RGSL1: variants seen among roughly 807,000 people sequenced by gnomAD.
RGSL1 encodes regulator of G protein signaling protein-like.
In RGSL1, 97 loss-of-function variants were observed where a neutral mutation model predicts 124.7. The ratio of observed to expected loss-of-function variants is 0.78; its 90% confidence interval spans 0.66 to 0.92. The LOEUF (loss-of-function observed/expected upper bound fraction) is 0.92. RGSL1 is among the 40% of genes least tolerant of loss of function. The pLI, the probability that RGSL1 is intolerant of heterozygous loss-of-function variation, is 0.00. For synonymous variants in RGSL1, 424 were observed against 438.1 expected (o/e 0.97, Z 0.40); for missense variants, 1,233 against 1,288.4 (o/e 0.96, Z 0.66).
chr1:182,465,029 G>A (rs912970951), intron 4 of RGSL1, among the ~76,000 whole-genome samples: 1 of 147,990 alleles, frequency 6.8e-6, no homozygotes, highest in Non-Finnish European at 1.5e-5. Context: ...TGAGGCATTT[G>A]ATATGCCACT....
At chr1:182,557,687 A>G (rs1466049386) in intron 21 of RGSL1, among the ~76,000 whole-genome samples, 1 of 152,154 alleles carries the variant, frequency 6.6e-6, no homozygotes, top group African/African-American at 2.4e-5. Context: ...GGTTATACTC[A>G]TGTGTAGGTA....
chr1:182,554,485 C>T, intron 19 of RGSL1, 142 bp from the exon 20 acceptor site: 1 of 680,782 alleles, frequency 1.5e-6, no homozygotes, highest in Admixed American at 2.2e-5. Context: ...TGGAACAGGC[C>T]TGCTTTACCT....
chr1:182,492,360 A>T (rs1413703161), intron 8 of RGSL1, among the ~76,000 whole-genome samples: 1 of 152,176 alleles, frequency 6.6e-6, no homozygotes, highest in Non-Finnish European at 1.5e-5. Flanking sequence ...CCCTCAACAG[A>T]TGGATGCTTT....
Position 182,529,202 on chromosome 1 carries a change from A to T in RGSL1, c.2126-1042A>T, listed in dbSNP as rs191700262. Among the ~76,000 whole-genome samples, 3 of 152,310 alleles carry T rather than the reference A, an allele frequency of 2.0e-5. No homozygotes were observed. The East Asian group carries it at 5.8e-4, about 29-fold the overall frequency. On this transcript the variant is annotated intron_variant, in intron 11 of 21. Transcript: ENST00000294854. ...AATTTTATTTAATTCTAAAAATAGA[A>T]TTTTATTTAATCCCTGTAATATAGG... is the stretch of plus-strand genomic sequence containing the variant.
intron 6 of RGSL1, among the ~76,000 whole-genome samples, chr1:182,484,371 G>A (rs1207545126): frequency 6.6e-6 from 1 of 152,092 alleles, no homozygotes; most frequent in African/African-American, 2.4e-5. Flanking sequence ...CTCAGCTTAG[G>A]TATTGGTGTA....
At chr1:182,500,445 G>A (rs1370835003) in intron 9 of RGSL1, among the ~76,000 whole-genome samples, 2 of 152,152 alleles carry the variant, frequency 1.3e-5, no homozygotes, top group Non-Finnish European at 2.9e-5. Flanking sequence ...CAGGAGATGT[G>A]AGTCCTTCAA....
intron 5 of RGSL1, 35 bp downstream of exon 5, chr1:182,472,592 A>T: frequency 6.7e-7 from 1 of 1,483,568 alleles, no homozygotes. Context: ...GGGGGGATGC[A>T]ACAAAAAAGT....
At chr1:182,549,105 TA>T (rs755125183) in intron 17 of RGSL1, 15 of 296,680 alleles carry the variant, frequency 5.1e-5, no homozygotes, top group Non-Finnish European at 8.8e-5. Context: ...GAGGTTTTCT[TA>T]GGCCTGGGTT....
intron 9 of RGSL1, 36 bp from the exon 10 acceptor site, chr1:182,521,968 A>G: frequency 1.5e-6 from 2 of 1,336,336 alleles, no homozygotes; most frequent in Non-Finnish European, 2.1e-6. Flanking sequence ...ATTGCTTATA[A>G]TATAGTGTTC....
Position 182,527,692 on chromosome 1 carries a change from G to T in RGSL1, c.2045G>T (p.Ser682Ile). ...TTTCTCACAGCTGTACAGAAGATCA[G>T]TATAGAGACCAATGAAAAGATTTGC... ...LQFLTAVQKI[S>I]IETNEKICKS... Residue 682 changes from serine (S) to isoleucine (I), a missense_variant, in exon 11 of 22, where the codon AGT becomes ATT. Coordinates refer to ENST00000294854, the MANE Select transcript of RGSL1 (RefSeq NM_001137669.2). 2 of 1,551,400 alleles carry T rather than the reference G, an allele frequency of 1.3e-6. 1 individual carries two copies. Among genetic ancestry groups the T allele is most frequent in the East Asian group, 4.9e-5 (2 of 40,904 alleles).
intron 6 of RGSL1, among the ~76,000 whole-genome samples, chr1:182,480,747 C>T (rs1654644468): frequency 1.3e-5 from 2 of 152,106 alleles, no homozygotes; most frequent in South Asian, 2.1e-4. Context: ...TGAGCCACCA[C>T]GCTTGGCCAC....
At chr1:182,540,841 A>G (rs993845787) in intron 15 of RGSL1, among the ~76,000 whole-genome samples, 4 of 152,190 alleles carry the variant, frequency 2.6e-5, no homozygotes, top group African/African-American at 9.7e-5. Flanking sequence ...GTGTATATTA[A>G]TTCACCTGTC....
rs546140007 is a variant in RGSL1 at position 182,494,004 on chromosome 1, C to G, written c.1825+875C>G. On this transcript the variant is annotated intron_variant, in intron 9 of 21. Coordinates refer to ENST00000294854, the MANE Select transcript of RGSL1 (RefSeq NM_001137669.2). The stretch of plus-strand genomic sequence containing the variant: ...TCTGAAGACCATTGCTAATATTCCT[C>G]TTCTTCCTCTCCTGCTCCCCATCCT... Among the ~76,000 whole-genome samples, 12 of 152,292 alleles carry G rather than the reference C, an allele frequency of 7.9e-5. No individual in the cohort carries two copies. The South Asian group carries it at 1.2e-3, about 16-fold the overall frequency.
At chr1:182,451,228 C>T (rs978381935) in intron 1 of RGSL1, among the ~76,000 whole-genome samples, 2 of 148,742 alleles carry the variant, frequency 1.3e-5, no homozygotes, top group Non-Finnish European at 3.0e-5. Flanking sequence ...ATTGTGCAAA[C>T]ACTTTTAGAG....
At chr1:182,556,847 T>C (rs1281481628) in intron 21 of RGSL1, among the ~76,000 whole-genome samples, 1 of 152,116 alleles carries the variant, frequency 6.6e-6, no homozygotes, top group East Asian at 1.9e-4. Context: ...AGAAGTAAAA[T>C]GAGTCAGAAT....
chr1:182,458,006 T>C (rs962656248), intron 2 of RGSL1, among the ~76,000 whole-genome samples: 1 of 152,196 alleles, frequency 6.6e-6, no homozygotes, highest in African/African-American at 2.4e-5. Context: ...GTAAATATGT[T>C]CTAATATCAT....
rs747671483 is a variant in RGSL1, at chr1:182,519,599, G to A, written c.1826-2405G>A. On this transcript the variant is annotated intron_variant, in intron 9 of 21. Coordinates refer to ENST00000294854, the MANE Select transcript of RGSL1 (RefSeq NM_001137669.2). ...TGCTACTTGTAGCTTCAGAACTTCC[G>A]GACTAGATATCTTTTTTCAGTTTTA... is the stretch of plus-strand genomic sequence containing the variant. 2.0e-4 allele frequency among the ~76,000 whole-genome samples: 30 copies of A among 151,810 alleles called. 1 individual carries two copies. Among genetic ancestry groups the A allele is most frequent in the Non-Finnish European group, 2.5e-4 (17 of 67,922 alleles).
At chr1:182,548,666 C>G in intron 16 of RGSL1, 34 bp from the exon 17 acceptor site, 2 of 1,550,000 alleles carry the variant, frequency 1.3e-6, no homozygotes, top group Non-Finnish European at 1.7e-6. Flanking sequence ...CCCGTGGAGC[C>G]TCTGCCAGTG....
At chr1:182,463,150 C>T (rs371211018) in intron 4 of RGSL1, among the ~76,000 whole-genome samples, 10 of 151,758 alleles carry the variant, frequency 6.6e-5, no homozygotes, top group African/African-American at 9.7e-5. Context: ...AAAAATTAGC[C>T]GGGAATGGTG....
Sources: gnomAD v4.1 joint callset for allele counts (sites outside exome capture counted in the v4.1 genomes callset) on GRCh38, gnomAD v4.1.1 for gene constraint, MANE v1.5 for transcripts, NCBI Gene and HGNC (gene_info 2026-07-23, HGNC 2026-07-21) for gene names.